NCAM1: variants seen among roughly 807,000 people sequenced by gnomAD.
NCAM1 encodes the protein neural cell adhesion molecule 1, also known as antigen recognized by monoclonal antibody 5.1H11.
NCAM1 carries 14 observed loss-of-function variants against 109.8 expected under a neutral mutation model. The ratio of observed to expected loss-of-function variants is 0.13; its 90% CI spans 0.08 to 0.20. The LOEUF (loss-of-function observed/expected upper bound fraction) is 0.20, where lower values mean the gene tolerates loss of function less well. NCAM1 is among the 10% of genes least tolerant of loss of function. NCAM1 has a pLI of 1.00. For missense variants in NCAM1, 774 were observed against 1,109.9 expected, an observed-to-expected ratio of 0.70 and a Z score of 4.30; for synonymous variants, 418 against 442.9, an observed-to-expected ratio of 0.94 and a Z score of 0.70.
At chr11:113,119,371 G>A (rs1940849636) in intron 1 of NCAM1, among the ~76,000 whole-genome samples, 1 of 152,160 alleles carries the variant, frequency 6.6e-6, no homozygotes, top group Non-Finnish European at 1.5e-5. Flanking sequence ...TTGGCCAAAG[G>A]GATAGAGGTT....
chr11:113,236,106 A>G (rs552067294), intron 14 of NCAM1, among the ~76,000 whole-genome samples: 1 of 152,302 alleles, frequency 6.6e-6, no homozygotes, highest in Admixed American at 6.5e-5. Context: ...CTCTTCCCAG[A>G]AATAGGAAAG....
intron 1 of NCAM1, among the ~76,000 whole-genome samples, chr11:113,064,041 ATGGAC>A (rs1937814130): frequency 6.6e-6 from 1 of 152,226 alleles, no homozygotes; most frequent in Admixed American, 6.5e-5. Context: ...CCATATCTAT[ATGGAC>A]AGGTTTTACA....
intron 1 of NCAM1, among the ~76,000 whole-genome samples, chr11:113,023,197 C>G (rs1952443227): frequency 6.6e-6 from 1 of 152,220 alleles, no homozygotes; most frequent in African/African-American, 2.4e-5. Context: ...TGTGGGTTAT[C>G]TTTCTCACCA....
At chr11:112,975,056 T>C (rs1375120392) in intron 1 of NCAM1, among the ~76,000 whole-genome samples, 4 of 152,016 alleles carry the variant, frequency 2.6e-5, no homozygotes, top group African/African-American at 9.7e-5. Flanking sequence ...AAAAGGGACA[T>C]GCTCTAGGGG....
rs1472941997 is a variant in NCAM1 at position 112,964,139 on chromosome 11, TG to T, written c.52+2476del. ...GTATATATATCTGAGGTTTTTTTTT[TG>T]TTTTTTTTTTTTTTGTTTTTTTTTT... is the stretch of plus-strand genomic sequence containing the variant. On this transcript the variant is annotated intron_variant, in intron 1 of 19. Coordinates refer to ENST00000316851, the MANE Select transcript of NCAM1 (RefSeq NM_181351.5). Among the ~76,000 whole-genome samples the T allele has an allele frequency of 6.2e-3, 605 of 97,526 alleles. 4 individuals are homozygous for T. Among genetic ancestry groups the T allele is most frequent in the Admixed American group, 7.3e-3 (57 of 7,806 alleles). The allele number at this position is 97,526 out of a possible 152,430, so 64.0% of individuals were successfully genotyped here. A position where few individuals can be genotyped will look rare whatever the true frequency, so the allele number is the denominator to read the frequency against.
intron 1 of NCAM1, among the ~76,000 whole-genome samples, chr11:112,990,486 G>GT: frequency 6.6e-6 from 1 of 152,230 alleles, no homozygotes; most frequent in Middle Eastern, 3.4e-3. Context: ...CCATTTCAGG[G>GT]TTTTTTGTGG....
At chr11:113,122,691 A>G (rs1315554409) in intron 1 of NCAM1, among the ~76,000 whole-genome samples, 3 of 152,082 alleles carry the variant, frequency 2.0e-5, no homozygotes, top group Non-Finnish European at 4.4e-5. Context: ...GGCTGAGGCA[A>G]GGGAATTGCT....
chr11:113,165,145 G>A (rs1555105046), intron 1 of NCAM1, among the ~76,000 whole-genome samples: 1 of 152,166 alleles, frequency 6.6e-6, no homozygotes, highest in African/African-American at 2.4e-5. Flanking sequence ...GTTAGAAAAA[G>A]GTGGCTGTGA....
At chr11:113,211,554 T>C (rs1944391618) in intron 7 of NCAM1, among the ~76,000 whole-genome samples, 2 of 152,186 alleles carry the variant, frequency 1.3e-5, no homozygotes, top group South Asian at 4.1e-4. Flanking sequence ...TCCCTACACG[T>C]GCCCCTGAAG....
Position 113,049,256 on chromosome 11 carries a change from G to GA in NCAM1, c.52+87601dup, listed in dbSNP as rs376950661. Among the ~76,000 whole-genome samples, 223 of 150,318 alleles carry GA rather than the reference G, an allele frequency of 1.5e-3. 1 individual carries two copies. Among genetic ancestry groups the GA allele is most frequent in the African/African-American group, 4.8e-3 (198 of 41,032 alleles). ...TATGTTATGTGAATTTCACTTCAATGAAAAAAAAATGATTCTATGATCAAC... is the reference window on the plus strand; with the variant it reads ...TATGTTATGTGAATTTCACTTCAATGAAAAAAAAAATGATTCTATGATCAAC... On this transcript the variant is annotated intron_variant, in intron 1 of 19. Transcript: ENST00000316851.
intron 1 of NCAM1, among the ~76,000 whole-genome samples, chr11:113,129,711 G>C (rs1488759513): frequency 6.6e-6 from 1 of 152,194 alleles, no homozygotes; most frequent in Non-Finnish European, 1.5e-5. Flanking sequence ...ATTCCTAGGA[G>C]AGAGGCAGGA....
At chr11:113,237,511 G>A (rs1945199324) in intron 14 of NCAM1, among the ~76,000 whole-genome samples, 1 of 152,236 alleles carries the variant, frequency 6.6e-6, no homozygotes, top group African/African-American at 2.4e-5. Flanking sequence ...GGGGGATGGA[G>A]CCTTCAGGCC....
intron 1 of NCAM1, among the ~76,000 whole-genome samples, chr11:113,035,825 A>G (rs1952859733): frequency 6.6e-6 from 1 of 152,038 alleles, no homozygotes; most frequent in African/African-American, 2.4e-5. Flanking sequence ...CTGTCTTTCC[A>G]AGACAGAGGC....
chr11:113,139,433 A>G (rs1591360234), intron 1 of NCAM1, among the ~76,000 whole-genome samples: 1 of 152,090 alleles, frequency 6.6e-6, no homozygotes, highest in Admixed American at 6.5e-5. Context: ...TTTTTTAACA[A>G]AATCTAATTT....
At chr11:113,221,900 A>G (rs1402300378) in intron 9 of NCAM1, 3 of 152,938 alleles carry the variant, frequency 2.0e-5, no homozygotes, top group African/African-American at 7.2e-5. Context: ...TTATGAGATT[A>G]GAATGATGTG....
intron 1 of NCAM1, among the ~76,000 whole-genome samples, chr11:113,020,515 T>G (rs1362567164): frequency 6.6e-6 from 1 of 152,204 alleles, no homozygotes; most frequent in Non-Finnish European, 1.5e-5. Context: ...TATATTTTGT[T>G]ATATTTTTAC....
intron 1 of NCAM1, among the ~76,000 whole-genome samples, chr11:113,015,605 G>A (rs1241182307): frequency 1.2e-4 from 18 of 151,886 alleles, no homozygotes; most frequent in African/African-American, 4.4e-4. Context: ...GCATGGTCAT[G>A]GGTACCTGTA....
chr11:113,162,884 C>T (rs183814632), intron 1 of NCAM1, among the ~76,000 whole-genome samples: 300 of 152,242 alleles, frequency 2.0e-3, no homozygotes, highest in South Asian at 7.1e-3. Flanking sequence ...TCGAAATGGA[C>T]GTTCAGTTCA....
chr11:113,045,058 G>T (rs1357337221), intron 1 of NCAM1, among the ~76,000 whole-genome samples: 1 of 152,120 alleles, frequency 6.6e-6, no homozygotes, highest in Non-Finnish European at 1.5e-5. Context: ...CCGGCCCTTC[G>T]CTTTTATTTC....
Sources: gnomAD v4.1 joint callset for allele counts (sites outside exome capture counted in the v4.1 genomes callset) on GRCh38, gnomAD v4.1.1 for gene constraint, MANE v1.5 for transcripts, NCBI Gene and HGNC (gene_info 2026-07-23, HGNC 2026-07-21) for gene names.